The following CNTNAP2 variants were observed in gnomAD, a reference collection of about 807,000 sequenced individuals.
CNTNAP2 encodes contactin-associated protein-like 2.
A neutral mutation model predicts 155.2 loss-of-function variants in CNTNAP2; 98 were observed. The observed-to-expected ratio is 0.63, with a 90% CI of 0.54 to 0.75. CNTNAP2 has a LOEUF of 0.75. Ranked by LOEUF, CNTNAP2 falls within the 30% of genes least tolerant of loss-of-function variation. CNTNAP2 has a pLI of 0.00. For missense variants in CNTNAP2, 1,727 were observed against 1,688.1 expected (o/e 1.02, Z -0.40); for synonymous variants, 651 against 631.2 (o/e 1.03, Z -0.47).
intron 1 of CNTNAP2, among the ~76,000 whole-genome samples, chr7:146,485,191 A>G (rs993042636): frequency 6.6e-6 from 1 of 152,124 alleles, no homozygotes; most frequent in Non-Finnish European, 1.5e-5. Flanking sequence ...TGGAAAGTAC[A>G]CTGTGACAAT....
intron 13 of CNTNAP2, among the ~76,000 whole-genome samples, chr7:147,810,772 C>T (rs529063455): frequency 3.9e-5 from 6 of 152,140 alleles, no homozygotes; most frequent in Non-Finnish European, 7.4e-5. Context: ...TACCCAATTT[C>T]GTTTTTAATT....
chr7:146,653,828 G>T (rs2129164340), intron 1 of CNTNAP2, among the ~76,000 whole-genome samples: 1 of 152,196 alleles, frequency 6.6e-6, no homozygotes, highest in African/African-American at 2.4e-5. Context: ...CATTAAAAGG[G>T]AAAGAAACAG....
chr7:147,110,951 G>A (rs570097253), intron 5 of CNTNAP2, among the ~76,000 whole-genome samples: 29 of 152,196 alleles, frequency 1.9e-4, no homozygotes, highest in Middle Eastern at 3.4e-3. Context: ...GAATCTTCAC[G>A]CTGTCTTCCA....
At chr7:147,744,131 G>T (rs753421400) in intron 13 of CNTNAP2, among the ~76,000 whole-genome samples, 1 of 152,190 alleles carries the variant, frequency 6.6e-6, no homozygotes, top group Non-Finnish European at 1.5e-5. Flanking sequence ...GAAATTTGAT[G>T]ATTAGCATTT....
intron 5 of CNTNAP2, among the ~76,000 whole-genome samples, chr7:147,110,692 A>G (rs889323589): frequency 1.1e-4 from 16 of 152,166 alleles, no homozygotes; most frequent in African/African-American, 3.6e-4. Context: ...ATGTGCCCGC[A>G]AAGGACAGGA....
chr7:147,090,748 G>T (rs1800384017), intron 4 of CNTNAP2, among the ~76,000 whole-genome samples: 1 of 151,876 alleles, frequency 6.6e-6, no homozygotes, highest in South Asian at 2.1e-4. Context: ...ATTATATGTG[G>T]TTTTTAGGAT....
intron 13 of CNTNAP2, among the ~76,000 whole-genome samples, chr7:147,794,749 AAAAC>A (rs1385230236): frequency 2.4e-4 from 30 of 126,480 alleles, no homozygotes; most frequent in Admixed American, 2.1e-3. Flanking sequence ...TTTTTTTTTA[AAAAC>A]AATTAATTCA....
intron 1 of CNTNAP2, among the ~76,000 whole-genome samples, chr7:146,384,161 A>G (rs1350873580): frequency 1.3e-5 from 2 of 152,246 alleles, no homozygotes; most frequent in Admixed American, 6.5e-5. Flanking sequence ...GAAATATATC[A>G]GAAAGTAAAA....
At chr7:148,264,453 C>T (rs995139522) in intron 20 of CNTNAP2, among the ~76,000 whole-genome samples, 3 of 151,306 alleles carry the variant, frequency 2.0e-5, no homozygotes, top group East Asian at 3.9e-4. Flanking sequence ...GTATTTTTAT[C>T]GACACAGAGC....
intron 11 of CNTNAP2, among the ~76,000 whole-genome samples, chr7:147,495,295 T>G (rs1328755531): frequency 6.6e-6 from 1 of 152,170 alleles, no homozygotes; most frequent in African/African-American, 2.4e-5. Context: ...ATTCAAAAAA[T>G]TTTGAATTGA....
At chr7:147,664,743 C>T (rs1795668333) in intron 13 of CNTNAP2, among the ~76,000 whole-genome samples, 2 of 152,154 alleles carry the variant, frequency 1.3e-5, no homozygotes, top group African/African-American at 4.8e-5. Flanking sequence ...TTTACAGGGT[C>T]TTTCATGGTC....
intron 1 of CNTNAP2, among the ~76,000 whole-genome samples, chr7:146,225,371 GAAGTT>G (rs1389663783): frequency 6.6e-6 from 1 of 152,178 alleles, no homozygotes; most frequent in Non-Finnish European, 1.5e-5. Flanking sequence ...ACTGACAGGT[GAAGTT>G]ATTTTACTAT....
chr7:146,506,321 G>C (rs7789232), intron 1 of CNTNAP2, among the ~76,000 whole-genome samples: 1,774 of 152,320 alleles, frequency 0.012, 30 homozygotes, highest in Middle Eastern at 0.065. Context: ...TTGGGCAGCT[G>C]TCTCTGTCTG....
intron 12 of CNTNAP2, among the ~76,000 whole-genome samples, chr7:147,629,031 C>T (rs1795037203): frequency 6.6e-6 from 1 of 151,908 alleles, no homozygotes; most frequent in South Asian, 2.1e-4. Context: ...TAGATGGCAA[C>T]ACAATAATAG....
chr7:146,626,273 T>G (rs1799417626), intron 1 of CNTNAP2, among the ~76,000 whole-genome samples: 1 of 152,192 alleles, frequency 6.6e-6, no homozygotes, highest in Non-Finnish European at 1.5e-5. Context: ...ATGTTTTTGT[T>G]AAGGCATTCA....
intron 21 of CNTNAP2, among the ~76,000 whole-genome samples, chr7:148,363,923 G>A (rs1435596854): frequency 6.6e-6 from 1 of 151,972 alleles, no homozygotes; most frequent in East Asian, 1.9e-4. Context: ...AGCCCTGCTG[G>A]CCCCGGGCAA....
chr7:147,331,657 G>A (rs1795572052), intron 9 of CNTNAP2, among the ~76,000 whole-genome samples: 1 of 152,080 alleles, frequency 6.6e-6, no homozygotes, highest in East Asian at 1.9e-4. Flanking sequence ...GAGAAGCACA[G>A]GGCACGGAGT....
chr7:147,887,487 A>C (rs1358732248), intron 13 of CNTNAP2, among the ~76,000 whole-genome samples: 1 of 152,220 alleles, frequency 6.6e-6, no homozygotes, highest in Non-Finnish European at 1.5e-5. Context: ...AATTAAAAAT[A>C]AAAATAATTT....
At chr7:146,180,300 T>C (rs1798531880) in intron 1 of CNTNAP2, among the ~76,000 whole-genome samples, 1 of 152,058 alleles carries the variant, frequency 6.6e-6, no homozygotes, top group South Asian at 2.1e-4. Flanking sequence ...TTCATTTTTT[T>C]CTTTTTTTCT....
Sources: gnomAD v4.1 joint callset for allele counts (sites outside exome capture counted in the v4.1 genomes callset) on GRCh38, gnomAD v4.1.1 for gene constraint, MANE v1.5 for transcripts, NCBI Gene and HGNC (gene_info 2026-07-23, HGNC 2026-07-21) for gene names.